EYS: variants seen among roughly 807,000 people sequenced by gnomAD.
EYS encodes EGF-like photoreceptor maintenance factor.
A neutral mutation model predicts 282.1 loss-of-function variants in EYS; 250 were observed. The ratio of observed to expected loss-of-function variants is 0.89; its 90% confidence interval spans 0.80 to 0.98. The LOEUF (loss-of-function observed/expected upper bound fraction) is 0.98, where lower values mean the gene tolerates loss of function less well. Ranked by LOEUF, EYS falls within the 50% of genes least tolerant of loss-of-function variation. The pLI is 0.00. For missense variants in EYS, 4,016 were observed against 3,709.0 expected (o/e 1.08, Z -2.15); for synonymous variants, 1,355 against 1,282.9 (o/e 1.06, Z -1.20).
chr6:65,312,693 C>T (rs1302276748), intron 11 of EYS, among the ~76,000 whole-genome samples: 7 of 152,184 alleles, frequency 4.6e-5, no homozygotes, highest in Non-Finnish European at 8.8e-5. Context: ...CCCCAACAAC[C>T]TGATTCATTT....
intron 1 of EYS, among the ~76,000 whole-genome samples, chr6:65,644,065 C>G (rs533059605): frequency 6.6e-6 from 1 of 152,074 alleles, no homozygotes; most frequent in South Asian, 2.1e-4. Flanking sequence ...GGATCCAAAC[C>G]AAGATGAAAT....
At chr6:64,274,170 T>C (rs1337692257) in intron 30 of EYS, among the ~76,000 whole-genome samples, 1 of 152,194 alleles carries the variant, frequency 6.6e-6, no homozygotes, top group Non-Finnish European at 1.5e-5. Flanking sequence ...CTCTACTCCC[T>C]CCATTCATTT....
At chr6:64,227,191 GAT>G (rs1383810413) in intron 31 of EYS, among the ~76,000 whole-genome samples, 1 of 151,824 alleles carries the variant, frequency 6.6e-6, no homozygotes, top group African/African-American at 2.4e-5. Flanking sequence ...ATTATGAAAA[GAT>G]ATGACCACTC....
chr6:65,199,545 A>G (rs538469554), intron 12 of EYS, among the ~76,000 whole-genome samples: 1 of 152,288 alleles, frequency 6.6e-6, no homozygotes, highest in African/African-American at 2.4e-5. Context: ...TTTAGAAACC[A>G]GACAGTGCCA....
intron 14 of EYS, among the ~76,000 whole-genome samples, chr6:64,969,867 A>T (rs1332580122): frequency 5.9e-5 from 9 of 152,158 alleles, no homozygotes; most frequent in African/African-American, 9.7e-5. Flanking sequence ...TCACCTTGGT[A>T]CTCTTCAGTC....
intron 15 of EYS, among the ~76,000 whole-genome samples, chr6:64,921,571 T>C (rs1344739450): frequency 6.6e-6 from 1 of 152,194 alleles, no homozygotes; most frequent in Non-Finnish European, 1.5e-5. Flanking sequence ...TCCTGGTACT[T>C]AGTCAAGCCG....
intron 2 of EYS, among the ~76,000 whole-genome samples, chr6:65,618,455 C>T (rs1033048001): frequency 2.0e-5 from 3 of 152,114 alleles, no homozygotes; most frequent in African/African-American, 7.2e-5. Flanking sequence ...GGATATTAGC[C>T]CTTTGTCAGA....
Position 65,582,412 on chromosome 6 carries a change from C to T in EYS, c.-333+57366G>A, listed in dbSNP as rs1042702435. Reference sequence around the variant, plus strand: ...AATAGAAATTCAGTTTTAAGATTGTCTAACGAATTTATAAATTTCCCCTTA... The same window carrying T: ...AATAGAAATTCAGTTTTAAGATTGTTTAACGAATTTATAAATTTCCCCTTA... On this transcript the variant is annotated intron_variant, in intron 2 of 42. Transcript: ENST00000503581. Among the ~76,000 whole-genome samples, 41 of 151,998 alleles carry T rather than the reference C, an allele frequency of 2.7e-4. 1 individual carries two copies. Among genetic ancestry groups the T allele is most frequent in the Admixed American group, 2.4e-3 (37 of 15,244 alleles).
At chr6:65,326,140 T>C (rs1769612102) in intron 11 of EYS, among the ~76,000 whole-genome samples, 1 of 152,084 alleles carries the variant, frequency 6.6e-6, no homozygotes. Context: ...GATGCTTGAA[T>C]GTTTTTGGAG....
chr6:65,382,492 T>TGTGTGTGTGC (rs1765655816), intron 8 of EYS, among the ~76,000 whole-genome samples: 1 of 151,134 alleles, frequency 6.6e-6, no homozygotes, highest in Non-Finnish European at 1.5e-5. Flanking sequence ...TGTGTGTGTG[T>TGTGTGTGTGC]GTGTGTGTGT....
chr6:64,015,045 CCTT>C (rs1768826724), intron 33 of EYS, among the ~76,000 whole-genome samples: 2 of 151,894 alleles, frequency 1.3e-5, no homozygotes, highest in South Asian at 4.1e-4. Flanking sequence ...AGTTACTAGC[CCTT>C]CTTTAAGTCA....
Position 65,499,217 on chromosome 6 carries a change from A to G in EYS, c.-332-3224T>C, listed in dbSNP as rs577821796. ...ATGAACAATATTTCTTCTTTCACAA[A>G]CAGCTGTCATCTTAAATTACATCTT... On this transcript the variant is annotated intron_variant, in intron 2 of 42. Coordinates refer to ENST00000503581, the MANE Select transcript of EYS (RefSeq NM_001142800.2). Among the ~76,000 whole-genome samples, 8 of 152,154 alleles carry G rather than the reference A, an allele frequency of 5.3e-5. No individual in the cohort carries two copies. The East Asian group carries it at 9.7e-4, about 18-fold the overall frequency.
chr6:63,740,213 C>T (rs773078298), intron 41 of EYS, among the ~76,000 whole-genome samples: 10 of 152,146 alleles, frequency 6.6e-5, no homozygotes, highest in Non-Finnish European at 1.2e-4. Context: ...ATGGGAGGAA[C>T]CCAGTGGGAG....
intron 26 of EYS, among the ~76,000 whole-genome samples, chr6:64,564,359 C>T (rs1250914785): frequency 1.5e-5 from 2 of 132,406 alleles, no homozygotes; most frequent in Non-Finnish European, 3.2e-5. Context: ...CTCACTGCAA[C>T]CTCTGCCTCC....
rs190846551 is a variant in EYS, at chr6:64,665,140, C to A, written c.3444-38895G>T. Among the ~76,000 whole-genome samples the A allele has an allele frequency of 2.7e-3, 407 of 152,232 alleles. 1 individual carries two copies. The highest frequency in any genetic ancestry group is 9.3e-3 in the African/African-American group (387 of 41,536). On this transcript the variant is annotated intron_variant, in intron 22 of 42. Coordinates refer to ENST00000503581, the MANE Select transcript of EYS (RefSeq NM_001142800.2). ...TTTTCATAAATGAAACGCTTGTTTT[C>A]CGAAACTTTGTCCACTGTAATAATG... is the stretch of plus-strand genomic sequence containing the variant.
At chr6:65,554,266 T>C (rs1401533726) in intron 2 of EYS, among the ~76,000 whole-genome samples, 5 of 152,076 alleles carry the variant, frequency 3.3e-5, no homozygotes, top group Non-Finnish European at 7.4e-5. Flanking sequence ...CCTGTGAGGG[T>C]TTTTCAAAGA....
In EYS at chr6:64,104,850, G is replaced by T. The variant is rs560577955; in HGVS notation, c.6425-22848C>A. On this transcript the variant is annotated intron_variant, in intron 31 of 42. Coordinates refer to ENST00000503581, the MANE Select transcript of EYS (RefSeq NM_001142800.2). Reference sequence around the variant, plus strand: ...AGTCTTAAAATTGTTATGACATCTTGTTTTGGTAGTCACGACCATCAACAG... The same window carrying T: ...AGTCTTAAAATTGTTATGACATCTTTTTTTGGTAGTCACGACCATCAACAG... Among the ~76,000 whole-genome samples, 3 of 147,568 alleles carry T rather than the reference G, an allele frequency of 2.0e-5. No homozygotes were observed. The East Asian group carries it at 6.0e-4, about 30-fold the overall frequency.
chr6:63,735,976 T>C (rs911704116), intron 41 of EYS, among the ~76,000 whole-genome samples: 1 of 152,184 alleles, frequency 6.6e-6, no homozygotes, highest in Non-Finnish European at 1.5e-5. Flanking sequence ...AAGAGCTACA[T>C]AATGTAGACC....
At chr6:65,176,943 T>G (rs1261970151) in intron 12 of EYS, among the ~76,000 whole-genome samples, 3 of 151,702 alleles carry the variant, frequency 2.0e-5, no homozygotes, top group Non-Finnish European at 4.4e-5. Flanking sequence ...ATGTTTTTCA[T>G]ATGTCAGTTC....
Sources: allele counts gnomAD v4.1 joint callset (sites outside exome capture counted in the v4.1 genomes callset), GRCh38; gene constraint gnomAD v4.1.1; transcripts MANE v1.5; gene names NCBI Gene and HGNC (gene_info 2026-07-23, HGNC 2026-07-21).